Variants in RBFOX3 observed in about 807,000 individuals in gnomAD.
The protein encoded by RBFOX3 is RNA binding fox-1 homolog 3.
In RBFOX3, 17 loss-of-function variants were observed where a neutral mutation model predicts 48.7. That is an observed-to-expected ratio of 0.35 (90% CI 0.24 to 0.52). The LOEUF (loss-of-function observed/expected upper bound fraction) is 0.52, where lower values mean the gene tolerates loss of function less well. Ranked by LOEUF, RBFOX3 falls within the 20% of genes least tolerant of loss-of-function variation. The probability of loss-of-function intolerance (pLI) is 0.94; values close to 1 mark genes in which losing one functional copy is unlikely to be tolerated. For missense variants in RBFOX3, 382 were observed against 497.5 expected, an observed-to-expected ratio of 0.77 and a Z score of 2.21; for synonymous variants, 212 against 209.5, an observed-to-expected ratio of 1.01 and a Z score of -0.10.
Position 79,390,417 on chromosome 17 carries a change from T to C in RBFOX3, c.-174-82593A>G, listed in dbSNP as rs149449811. Among the ~76,000 whole-genome samples the C allele has an allele frequency of 2.2e-3, 334 of 152,060 alleles. 1 individual carries two copies. Among genetic ancestry groups the C allele is most frequent in the Non-Finnish European group, 4.1e-3 (276 of 68,012 alleles). On this transcript the variant is annotated intron_variant, in intron 2 of 14. Transcript: ENST00000693108. This position sits in a 1 kb window ranked among gnomAD's most constrained non-coding sequence, Gnocchi z 4.2. ...CGGGGCTCAGCCCCATCTGCCCACT[T>C]TGGTGCTGGAAAATGCACTCAGAGT...
chr17:79,431,391 G>A (rs1214697753), intron 2 of RBFOX3, among the ~76,000 whole-genome samples: 2 of 152,050 alleles, frequency 1.3e-5, no homozygotes, highest in African/African-American at 4.8e-5. Flanking sequence ...TTGGCTCACG[G>A]CAACCTCCAT....
At chr17:79,453,567 C>A (rs1555742948) in intron 2 of RBFOX3, among the ~76,000 whole-genome samples, 1 of 152,150 alleles carries the variant, frequency 6.6e-6, no homozygotes, top group African/African-American at 2.4e-5. Context: ...AGCCCCACAG[C>A]CCCACAGGGG....
intron 4 of RBFOX3, among the ~76,000 whole-genome samples, chr17:79,206,076 C>T (rs2057440823): frequency 6.6e-6 from 1 of 152,244 alleles, no homozygotes; most frequent in Admixed American, 6.5e-5. Context: ...TGAGGAAGAC[C>T]TGTGTGTCAG....
chr17:79,255,853 G>A (rs1300110715), intron 3 of RBFOX3, among the ~76,000 whole-genome samples: 1 of 151,414 alleles, frequency 6.6e-6, no homozygotes, highest in Non-Finnish European at 1.5e-5. Flanking sequence ...GATGTTGCTG[G>A]TGTAGGGACT....
At chr17:79,102,947 G>C (rs1007401730) in intron 8 of RBFOX3, among the ~76,000 whole-genome samples, 15 of 152,192 alleles carry the variant, frequency 9.9e-5, no homozygotes, top group Non-Finnish European at 1.8e-4. Flanking sequence ...AGGCAGGGGA[G>C]AGGGGACCTC....
intron 1 of RBFOX3, among the ~76,000 whole-genome samples, chr17:79,517,060 G>A (rs1332602020): frequency 1.3e-5 from 2 of 152,104 alleles, no homozygotes; most frequent in African/African-American, 4.8e-5. Flanking sequence ...ACGATTGCAC[G>A]GCAATGTGAA....
intron 4 of RBFOX3, among the ~76,000 whole-genome samples, chr17:79,170,124 A>AAGGAAGG (rs1284671429): frequency 1.4e-5 from 2 of 143,938 alleles, no homozygotes; most frequent in African/African-American, 5.4e-5. Context: ...GGAAGGAAGG[A>AAGGAAGG]AGGAAGGAGG....
chr17:79,291,244 G>A (rs1015633397), intron 3 of RBFOX3, among the ~76,000 whole-genome samples: 6 of 152,226 alleles, frequency 3.9e-5, no homozygotes, highest in Admixed American at 6.5e-5. Context: ...AGGATCAATG[G>A]AGCATTCTTT....
chr17:79,218,174 T>A (rs1393367946), intron 4 of RBFOX3, among the ~76,000 whole-genome samples: 2 of 151,632 alleles, frequency 1.3e-5, no homozygotes, highest in African/African-American at 4.9e-5. Context: ...TGTGTGGGCA[T>A]CAGGTGGACA....
intron 2 of RBFOX3, among the ~76,000 whole-genome samples, chr17:79,371,964 C>A (rs780766963): frequency 6.6e-6 from 1 of 152,262 alleles, no homozygotes; most frequent in South Asian, 2.1e-4. Context: ...AGGTGCAGAG[C>A]AACCACAGCC....
At chr17:79,132,312 C>G (rs1250102732) in intron 4 of RBFOX3, among the ~76,000 whole-genome samples, 1 of 152,108 alleles carries the variant, frequency 6.6e-6, no homozygotes, top group Non-Finnish European at 1.5e-5. Context: ...TAGAAGAGCA[C>G]TGCACTTAGG....
chr17:79,378,485 A>G (rs554845525), intron 2 of RBFOX3, among the ~76,000 whole-genome samples: 17 of 152,334 alleles, frequency 1.1e-4, no homozygotes, highest in African/African-American at 3.8e-4. Flanking sequence ...GCACTTGCCC[A>G]GGTGTCGGAC....
chr17:79,404,422 C>A (rs1169024252), intron 2 of RBFOX3, among the ~76,000 whole-genome samples: 1 of 152,218 alleles, frequency 6.6e-6, no homozygotes, highest in African/African-American at 2.4e-5. Context: ...CCGCGGGCAC[C>A]CCAGGCCACA....
chr17:79,148,755 G>A lies in RBFOX3; in HGVS notation c.-33-33007C>T, dbSNP rs138513699. 1.5e-3 allele frequency among the ~76,000 whole-genome samples: 223 copies of A among 152,332 alleles called. 1 individual carries two copies. The highest frequency in any genetic ancestry group is 4.4e-3 in the Admixed American group (67 of 15,304). ...AGCACAGGCCACAGAGTCTGAGGAC[G>A]CAGGGGAGGGAGGCCGACCCCGCCG... On this transcript the variant is annotated intron_variant, in intron 4 of 14. Transcript: ENST00000693108.
chr17:79,526,166 A>C (rs2086767687), intron 1 of RBFOX3, among the ~76,000 whole-genome samples: 1 of 152,190 alleles, frequency 6.6e-6, no homozygotes, highest in Non-Finnish European at 1.5e-5. Flanking sequence ...AGGGAGAGCT[A>C]GCAAGTTGTG....
At chr17:79,513,187 A>T (rs1342260939) in intron 1 of RBFOX3, among the ~76,000 whole-genome samples, 1 of 151,318 alleles carries the variant, frequency 6.6e-6, no homozygotes, top group South Asian at 2.1e-4. Flanking sequence ...ACATGTTACC[A>T]TCAGGTACAG....
At chr17:79,169,999 T>G (rs1599780229) in intron 4 of RBFOX3, among the ~76,000 whole-genome samples, 15 of 131,886 alleles carry the variant, frequency 1.1e-4, no homozygotes, top group South Asian at 2.5e-4. Context: ...GGAGGAAAAG[T>G]GGGAGGAAAG....
At chr17:79,112,441 G>A (rs949389142) in intron 5 of RBFOX3, among the ~76,000 whole-genome samples, 1 of 152,198 alleles carries the variant, frequency 6.6e-6, no homozygotes, top group Non-Finnish European at 1.5e-5. Context: ...GGAGCAGGAA[G>A]AGGCCTCGTG....
chr17:79,428,269 C>A (rs2067753031), intron 2 of RBFOX3, among the ~76,000 whole-genome samples: 4 of 152,206 alleles, frequency 2.6e-5, no homozygotes. Context: ...GGAGCCCCTG[C>A]AGTGAGGGGA....
Sources: gnomAD v4.1 joint callset for allele counts (sites outside exome capture counted in the v4.1 genomes callset) on GRCh38, gnomAD v4.1.1 for gene constraint, Gnocchi (gnomAD v3.1) non-coding constraint, MANE v1.5 for transcripts, NCBI Gene and HGNC (gene_info 2026-07-23, HGNC 2026-07-21) for gene names.